ABCA5: variants seen among roughly 807,000 people sequenced by gnomAD.
The protein encoded by ABCA5 is cholesterol transporter ABCA5.
Under a neutral mutation model 206.0 loss-of-function variants are expected in ABCA5, and 163 were observed. That is an observed-to-expected ratio of 0.79 (90% CI 0.70 to 0.90). The LOEUF is 0.90. Ranked by LOEUF, ABCA5 falls within the 40% of genes least tolerant of loss-of-function variation. ABCA5 has a pLI of 0.00. For missense variants in ABCA5, 1,859 were observed against 1,912.9 expected, an observed-to-expected ratio of 0.97 and a Z score of 0.53; for synonymous variants, 609 against 613.8, an observed-to-expected ratio of 0.99 and a Z score of 0.11.
At chr17:69,300,791 A>G (rs1253046858) in intron 9 of ABCA5, among the ~76,000 whole-genome samples, 3 of 152,154 alleles carry the variant, frequency 2.0e-5, no homozygotes, top group African/African-American at 7.2e-5. Context: ...TGGACAGGAG[A>G]TAAAGAAAAT....
intron 18 of ABCA5, among the ~76,000 whole-genome samples, chr17:69,278,902 A>G (rs1248712619): frequency 6.6e-6 from 1 of 151,402 alleles, no homozygotes; most frequent in Non-Finnish European, 1.5e-5. Context: ...AATAAGAGCT[A>G]TCTATGACAA....
chr17:69,319,534 C>CACCACT (rs1402220547), intron 1 of ABCA5, among the ~76,000 whole-genome samples: 1 of 152,156 alleles, frequency 6.6e-6, no homozygotes, highest in African/African-American at 2.4e-5. Flanking sequence ...TCACCACCAC[C>CACCACT]ACCACTACTC....
intron 31 of ABCA5, 56 bp from the exon 32 acceptor site, chr17:69,254,546 G>A (rs2075052865): frequency 1.4e-6 from 2 of 1,455,802 alleles, no homozygotes; most frequent in Non-Finnish European, 9.5e-7. Flanking sequence ...TGTGAAGGAA[G>A]TGGCAAGTAC....
At chr17:69,312,428 A>C (rs551137652) in intron 3 of ABCA5, among the ~76,000 whole-genome samples, 2 of 152,160 alleles carry the variant, frequency 1.3e-5, no homozygotes, top group South Asian at 4.2e-4. Flanking sequence ...TAAATAAAAC[A>C]GAGTTAGGGA....
chr17:69,265,033 T>A, intron 23 of ABCA5, 128 bp from the exon 24 acceptor site: 1 of 573,770 alleles, frequency 1.7e-6, no homozygotes, highest in Non-Finnish European at 2.7e-6. Context: ...TCCAGGCTTA[T>A]AGGTAATAAA....
chr17:69,264,434 C>T (rs560422871), intron 24 of ABCA5, among the ~76,000 whole-genome samples: 39 of 152,096 alleles, frequency 2.6e-4, no homozygotes, highest in Admixed American at 7.2e-4. Flanking sequence ...ATAAGAAAAA[C>T]GAAGGAAGGC....
chr17:69,312,801 C>T (rs374978634), intron 3 of ABCA5, among the ~76,000 whole-genome samples: 121 of 151,964 alleles, frequency 8.0e-4, no homozygotes, highest in African/African-American at 2.8e-3. Context: ...AATGAAATAG[C>T]CCATCAAAGC....
chr17:69,277,628 T>A lies in ABCA5; in HGVS notation c.2594+13A>T. On this transcript the variant is annotated intron_variant, in intron 19 of 38. Coordinates refer to ENST00000392676, the MANE Select transcript of ABCA5 (RefSeq NM_172232.4). Reference sequence around the variant, plus strand: ...AGCAATCCATCAGGTATAAGGGTGATAATTATACTTACACTGATCTCACTG... The same window carrying A: ...AGCAATCCATCAGGTATAAGGGTGAAAATTATACTTACACTGATCTCACTG... 3.8e-6 allele frequency: 6 copies of A among 1,595,868 alleles called. No individual in the cohort carries two copies. Among genetic ancestry groups the A allele is most frequent in the Non-Finnish European group, 5.1e-6 (6 of 1,172,188 alleles).
At chr17:69,249,176 T>C (rs1306156223) in intron 37 of ABCA5, 1 of 152,180 alleles carries the variant, frequency 6.6e-6, no homozygotes, top group Non-Finnish European at 1.5e-5. Flanking sequence ...TATTCAGTAA[T>C]CACATAAAGA....
At chr17:69,276,538 G>C (rs1000596509) in intron 19 of ABCA5, among the ~76,000 whole-genome samples, 9 of 152,178 alleles carry the variant, frequency 5.9e-5, no homozygotes, top group African/African-American at 1.7e-4. Flanking sequence ...ATCATTCTCA[G>C]CAAACTAACA....
chr17:69,308,902 C>T (rs528632509), intron 4 of ABCA5, among the ~76,000 whole-genome samples: 2 of 151,984 alleles, frequency 1.3e-5, no homozygotes, highest in African/African-American at 4.8e-5. Flanking sequence ...TAATCAAGTT[C>T]ACTAGTAGAA....
Position 69,297,409 on chromosome 17 carries a change from C to A in ABCA5, c.1268-50G>T, listed in dbSNP as rs139380781. 2,974 of 1,512,948 alleles carry A rather than the reference C, an allele frequency of 2.0e-3. 5 individuals carry two copies. The highest frequency in any genetic ancestry group is 2.5e-3 in the Non-Finnish European group (2,793 of 1,123,174). The allele number at this position is 1,512,948 out of a possible 1,614,324, so 93.7% of individuals were successfully genotyped here. A position where few individuals can be genotyped will look rare whatever the true frequency, so the allele number is the denominator to read the frequency against. ...GAGTTACCATAATTAGTTTTTAAAT[C>A]ATAAAGACAGCATTTCAAACATATG... On this transcript the variant is annotated intron_variant, in intron 9 of 38. Transcript: ENST00000392676.
At position 69,245,381 on chromosome 17, in the gene ABCA5, A is replaced by G. The variant is rs1276555491; in HGVS notation, c.*2156T>C. Reference sequence around the variant, plus strand: ...TATTTATTTATTTATCTGTACTGACATAGAAAAAAGTTTTGAGATCAGTAA... The same window carrying G: ...TATTTATTTATTTATCTGTACTGACGTAGAAAAAAGTTTTGAGATCAGTAA... On this transcript the variant is annotated 3_prime_UTR_variant, in exon 39 of 39. Transcript: ENST00000392676. The G allele has an allele frequency of 2.0e-5, 3 of 151,956 alleles. No homozygotes were observed. The highest frequency in any genetic ancestry group is 4.4e-5 in the Non-Finnish European group (3 of 67,844). 9.4% of individuals were successfully genotyped at this position (151,956 alleles called of 1,614,324 possible). A position where few individuals can be genotyped will look rare whatever the true frequency, so the allele number is the denominator to read the frequency against.
At chr17:69,247,997 T>C (rs1046270511) in intron 38 of ABCA5, among the ~76,000 whole-genome samples, 1 of 152,106 alleles carries the variant, frequency 6.6e-6, no homozygotes, top group African/African-American at 2.4e-5. Flanking sequence ...AAGCATTCCA[T>C]ATTGCACACA....
intron 9 of ABCA5, among the ~76,000 whole-genome samples, chr17:69,299,840 T>A (rs1598192766): frequency 6.6e-6 from 1 of 151,798 alleles, no homozygotes; most frequent in East Asian, 1.9e-4. Flanking sequence ...TCCCCAAAAA[T>A]CTATTAAAAA....
intron 18 of ABCA5, among the ~76,000 whole-genome samples, chr17:69,283,129 G>A (rs1413842252): frequency 6.6e-6 from 1 of 151,842 alleles, no homozygotes; most frequent in African/African-American, 2.4e-5. Context: ...TGGGACTATA[G>A]GCACACACTA....
rs544532063 is a variant in ABCA5, at chr17:69,301,848, T to A, written c.1120-562A>T. ...TTAAGTGAATACGCTTTAATTATAC[T>A]ATTCTAGGCTTCAGTCCTCTCATTT... On this transcript the variant is annotated intron_variant, in intron 8 of 38. Coordinates refer to ENST00000392676, the MANE Select transcript of ABCA5 (RefSeq NM_172232.4). 1.1e-4 allele frequency among the ~76,000 whole-genome samples: 16 copies of A among 152,298 alleles called. 1 individual carries two copies. Among genetic ancestry groups the A allele is most frequent in the African/African-American group, 3.6e-4 (15 of 41,582 alleles).
At chr17:69,265,887 T>C (rs888328888) in intron 23 of ABCA5, among the ~76,000 whole-genome samples, 20 of 152,210 alleles carry the variant, frequency 1.3e-4, no homozygotes, top group African/African-American at 4.6e-4. Flanking sequence ...GGCAATTTCT[T>C]ATAAAATTAA....
At chr17:69,307,131 T>C (rs746648771) in intron 5 of ABCA5, among the ~76,000 whole-genome samples, 177 bp from the exon 6 acceptor site, 26 of 152,062 alleles carry the variant, frequency 1.7e-4, no homozygotes, top group Admixed American at 2.6e-4. Context: ...GAGTAGAATA[T>C]TGCATTCAAT....
Sources: allele counts gnomAD v4.1 joint callset (sites outside exome capture counted in the v4.1 genomes callset), GRCh38; gene constraint gnomAD v4.1.1; transcripts MANE v1.5; gene names NCBI Gene and HGNC (gene_info 2026-07-23, HGNC 2026-07-21).